The following SYNDIG1 variants were observed in gnomAD, a reference collection of about 807,000 sequenced individuals.
SYNDIG1 encodes synapse differentiation inducing 1, also known as synapse differentiation-inducing gene protein 1.
A neutral mutation model predicts 19.4 loss-of-function variants in SYNDIG1; 9 were observed. The ratio of observed to expected loss-of-function variants is 0.46; its 90% confidence interval spans 0.28 to 0.81. SYNDIG1 has a LOEUF of 0.81. Ranked by LOEUF, SYNDIG1 falls within the 30% of genes least tolerant of loss-of-function variation. The pLI, the probability that SYNDIG1 is intolerant of heterozygous loss-of-function variation, is 0.12. For synonymous variants in SYNDIG1, 141 were observed against 145.9 expected (o/e 0.97, Z 0.24); for missense variants, 311 against 343.3 (o/e 0.91, Z 0.74).
At chr20:24,558,483 A>G (rs181566645) in intron 2 of SYNDIG1, among the ~76,000 whole-genome samples, 1 of 152,280 alleles carries the variant, frequency 6.6e-6, no homozygotes, top group African/African-American at 2.4e-5. Flanking sequence ...TAGCCTTACA[A>G]TCTCTGTCTT....
chr20:24,532,783 C>G (rs1408805682), intron 1 of SYNDIG1, among the ~76,000 whole-genome samples: 1 of 152,336 alleles, frequency 6.6e-6, no homozygotes, highest in South Asian at 2.1e-4. Context: ...GTCTTCTGCT[C>G]CATGAGGACT....
At chr20:24,476,108 G>A (rs953806442) in intron 1 of SYNDIG1, among the ~76,000 whole-genome samples, 6 of 151,704 alleles carry the variant, frequency 4.0e-5, no homozygotes, top group South Asian at 2.1e-4. Flanking sequence ...TGATCTGCCC[G>A]TCTTAGCCTC....
chr20:24,514,196 C>T lies in SYNDIG1; in HGVS notation c.-78-28824C>T, dbSNP rs534938687. Among the ~76,000 whole-genome samples, 30 of 152,272 alleles carry T rather than the reference C, an allele frequency of 2.0e-4. No homozygotes were observed. The East Asian group carries it at 5.8e-3, about 29-fold the overall frequency. On this transcript the variant is annotated intron_variant, in intron 1 of 3. Transcript: ENST00000376862. ...TGCCAAATTGTAAAGACCATTGATG[C>T]TAGGAAGAAACTGCATCAACTAACG...
chr20:24,494,910 A>C (rs537606933), intron 1 of SYNDIG1, among the ~76,000 whole-genome samples: 1 of 152,140 alleles, frequency 6.6e-6, no homozygotes, highest in Non-Finnish European at 1.5e-5. Flanking sequence ...GAGTTTTTGC[A>C]TTAATGTAGG....
chr20:24,641,773 C>T (rs2059379420), intron 3 of SYNDIG1, among the ~76,000 whole-genome samples: 1 of 152,234 alleles, frequency 6.6e-6, no homozygotes, highest in East Asian at 1.9e-4. Flanking sequence ...TGTGCAGACT[C>T]ACAGCTCCTG....
intron 1 of SYNDIG1, among the ~76,000 whole-genome samples, chr20:24,503,527 T>C (rs1249691165): frequency 6.6e-6 from 1 of 152,148 alleles, no homozygotes; most frequent in Non-Finnish European, 1.5e-5. Flanking sequence ...TTTGCTCTGA[T>C]ACGGGATGCA....
chr20:24,640,191 G>C (rs919795875), intron 3 of SYNDIG1, among the ~76,000 whole-genome samples: 1 of 151,940 alleles, frequency 6.6e-6, no homozygotes, highest in African/African-American at 2.4e-5. Context: ...AAAAATAGCT[G>C]GGGGTCATGG....
chr20:24,619,190 T>C (rs2058998825), intron 3 of SYNDIG1, among the ~76,000 whole-genome samples: 1 of 152,236 alleles, frequency 6.6e-6, no homozygotes, highest in Admixed American at 6.5e-5. Flanking sequence ...TGTGTCTGAC[T>C]TAGTGGAACC....
At chr20:24,512,360 C>G (rs1010902859) in intron 1 of SYNDIG1, among the ~76,000 whole-genome samples, 1 of 151,474 alleles carries the variant, frequency 6.6e-6, no homozygotes, top group Non-Finnish European at 1.5e-5. Context: ...GCCCGGGAAG[C>G]ACAGGGGGTC....
At chr20:24,546,863 T>C (rs1418761218) in intron 2 of SYNDIG1, among the ~76,000 whole-genome samples, 4 of 152,158 alleles carry the variant, frequency 2.6e-5, no homozygotes, top group African/African-American at 9.7e-5. Context: ...ATCTGAGCTC[T>C]TTCCAGAAGG....
intron 1 of SYNDIG1, among the ~76,000 whole-genome samples, chr20:24,512,089 AG>A (rs1285684330): frequency 7.1e-6 from 1 of 140,968 alleles, no homozygotes; most frequent in Admixed American, 7.3e-5. Flanking sequence ...GGCAGCCATG[AG>A]GCACCATTGG....
intron 3 of SYNDIG1, among the ~76,000 whole-genome samples, chr20:24,641,979 A>G (rs1442719582): frequency 6.6e-6 from 1 of 152,258 alleles, no homozygotes; most frequent in Non-Finnish European, 1.5e-5. Flanking sequence ...CTAACACATT[A>G]TCAGAAACTA....
rs572375933 is a variant in SYNDIG1, at chr20:24,540,593, A to G, written c.-78-2427A>G. Among the ~76,000 whole-genome samples, 12 of 152,320 alleles carry G rather than the reference A, an allele frequency of 7.9e-5. 1 individual carries two copies. The South Asian group carries it at 1.9e-3, about 24-fold the overall frequency. ...TTTATCATGAAAAGGAAAAGCATCA[A>G]TGCTTTTCCAGAAATGCTTAGTAGA... On this transcript the variant is annotated intron_variant, in intron 1 of 3. Transcript: ENST00000376862.
At position 24,584,842 on chromosome 20, in the gene SYNDIG1, G is replaced by T; in HGVS notation, c.481-14G>T. 1 of 1,614,040 alleles carries T rather than the reference G, an allele frequency of 6.2e-7. No individual in the cohort carries two copies. Among genetic ancestry groups the T allele is most frequent in the Non-Finnish European group, 8.5e-7 (1 of 1,180,016 alleles). On this transcript the variant is annotated splice_polypyrimidine_tract_variant and intron_variant, in intron 2 of 3. Transcript: ENST00000376862. ...TCTTCTCTCCTGTCCTGTCCTGCTG[G>T]TTCTCTCTTGCAGAGCGACTACTCA... is the stretch of plus-strand genomic sequence containing the variant.
intron 3 of SYNDIG1, among the ~76,000 whole-genome samples, chr20:24,631,975 A>G (rs1424488807): frequency 6.6e-6 from 1 of 152,214 alleles, no homozygotes; most frequent in Non-Finnish European, 1.5e-5. Context: ...AGTTACATCA[A>G]CCAAGACTCA....
rs1250687049 is a variant in SYNDIG1 at position 24,666,546 on chromosome 20, T to G, written c.*1042T>G. ...ATTTTAATACCATTTCATTGCTGTT[T>G]TACGAGTGTTCATTACTTAACAAAA... On this transcript the variant is annotated 3_prime_UTR_variant, in exon 4 of 4. Transcript: ENST00000376862. The G allele has an allele frequency of 1.3e-5, 2 of 152,688 alleles. No homozygotes were observed. Among genetic ancestry groups the G allele is most frequent in the Non-Finnish European group, 2.9e-5 (2 of 68,048 alleles). 9.5% of individuals were successfully genotyped at this position (152,688 alleles called of 1,614,324 possible). A position where few individuals can be genotyped will look rare whatever the true frequency, so the allele number is the denominator to read the frequency against.
rs369111041 is a variant in SYNDIG1 at position 24,473,352 on chromosome 20, T to C, written c.-79+3599T>C. ...GTGTCAAAATCTCTACAAAGCAGTA[T>C]TCAAAACATTAGAGATAGGCTGACC... On this transcript the variant is annotated intron_variant, in intron 1 of 3. Coordinates refer to ENST00000376862, the MANE Select transcript of SYNDIG1 (RefSeq NM_024893.3). Among the ~76,000 whole-genome samples the C allele has an allele frequency of 2.6e-5, 4 of 152,232 alleles. No individual in the cohort carries two copies. The South Asian group carries it at 8.3e-4, about 32-fold the overall frequency.
chr20:24,472,285 T>TTCTA (rs1279348441), intron 1 of SYNDIG1, among the ~76,000 whole-genome samples: 1 of 152,212 alleles, frequency 6.6e-6, no homozygotes, highest in African/African-American at 2.4e-5. Context: ...AACAGACTCA[T>TTCTA]TCTAATTCAT....
chr20:24,490,957 G>A (rs7269574), intron 1 of SYNDIG1, among the ~76,000 whole-genome samples: 7,212 of 152,250 alleles, frequency 0.047, 185 homozygotes, highest in African/African-American at 0.055. Flanking sequence ...AGAGCCCAGC[G>A]GCAGTACTGA....
Sources: gnomAD v4.1 joint callset for allele counts (sites outside exome capture counted in the v4.1 genomes callset) on GRCh38, gnomAD v4.1.1 for gene constraint, MANE v1.5 for transcripts, NCBI Gene and HGNC (gene_info 2026-07-23, HGNC 2026-07-21) for gene names.